Variants in CYP39A1 observed in about 807,000 individuals in gnomAD.
CYP39A1 encodes 24-hydroxycholesterol 7-alpha-hydroxylase.
A neutral mutation model predicts 58.1 loss-of-function variants in CYP39A1; 49 were observed. The observed-to-expected ratio is 0.84, with a 90% CI of 0.67 to 1.07. The LOEUF (loss-of-function observed/expected upper bound fraction) is 1.07, where lower values mean the gene tolerates loss of function less well. Ranked by LOEUF, CYP39A1 falls within the 50% of genes least tolerant of loss-of-function variation. CYP39A1 has a pLI of 0.00. For synonymous variants in CYP39A1, 209 were observed against 187.6 expected (o/e 1.11, Z -0.93); for missense variants, 531 against 539.4 (o/e 0.98, Z 0.16).
rs1770286920 is a variant in CYP39A1 at position 46,549,614 on chromosome 6, G to A, written c.*752C>T. The stretch of plus-strand genomic sequence containing the variant: ...CATACCGTTATATTTGTGTTTCTAT[G>A]CATTAGCAAAAATATGGTATCTGCC... On this transcript the variant is annotated 3_prime_UTR_variant, in exon 12 of 12. Transcript: ENST00000275016. 6.6e-6 allele frequency: 1 copy of A among 152,108 alleles called. No individual in the cohort carries two copies. Among genetic ancestry groups the A allele is most frequent in the Admixed American group, 6.6e-5 (1 of 15,260 alleles). The allele number at this position is 152,108 out of a possible 1,614,324, so 9.4% of individuals were successfully genotyped here.
intron 10 of CYP39A1, among the ~76,000 whole-genome samples, chr6:46,574,892 C>G (rs1177551963): frequency 6.6e-6 from 1 of 151,536 alleles, no homozygotes; most frequent in Non-Finnish European, 1.5e-5. Context: ...AAGAAATTCT[C>G]CCACTGAAAG....
intron 6 of CYP39A1, among the ~76,000 whole-genome samples, chr6:46,626,580 T>A (rs1298581022): frequency 1.3e-5 from 2 of 152,298 alleles, no homozygotes; most frequent in East Asian, 1.9e-4. Flanking sequence ...TAACTTTAAA[T>A]TGATAGTGCA....
chr6:46,620,987 TAC>T (rs1216799495), intron 7 of CYP39A1, among the ~76,000 whole-genome samples: 5 of 152,188 alleles, frequency 3.3e-5, no homozygotes, highest in African/African-American at 4.8e-5. Flanking sequence ...CCAAAGTTGT[TAC>T]ATTCTATTAT....
At chr6:46,588,318 TA>T (rs1180857144) in intron 8 of CYP39A1, among the ~76,000 whole-genome samples, 189 bp from the exon 9 acceptor site, 3 of 149,828 alleles carry the variant, frequency 2.0e-5, no homozygotes, top group Non-Finnish European at 4.4e-5. Context: ...TAAAATCTAA[TA>T]ATATAGTATC....
intron 6 of CYP39A1, among the ~76,000 whole-genome samples, chr6:46,627,303 T>G (rs936067321): frequency 3.3e-5 from 5 of 152,160 alleles, no homozygotes; most frequent in Non-Finnish European, 5.9e-5. Flanking sequence ...AAACGGATGT[T>G]CATAGTTGTA....
intron 7 of CYP39A1, among the ~76,000 whole-genome samples, chr6:46,623,376 T>C (rs1241965280): frequency 1.3e-5 from 2 of 152,134 alleles, no homozygotes; most frequent in South Asian, 2.1e-4. Flanking sequence ...TAGATGATGG[T>C]TAATTCTATA....
At chr6:46,579,212 A>T (rs535965049) in intron 10 of CYP39A1, among the ~76,000 whole-genome samples, 1 of 152,120 alleles carries the variant, frequency 6.6e-6, no homozygotes, top group Non-Finnish European at 1.5e-5. Flanking sequence ...ATATAAACAA[A>T]TCAATCAATG....
intron 10 of CYP39A1, among the ~76,000 whole-genome samples, chr6:46,579,352 C>T (rs1420701606): frequency 1.3e-5 from 2 of 152,048 alleles, no homozygotes; most frequent in East Asian, 3.9e-4. Context: ...ATAGGAGGAA[C>T]ATACCTCAAA....
In CYP39A1 at chr6:46,636,416, T is replaced by C; in HGVS notation, c.705A>G (p.Ala235=). ...TGGAATTATCTTTTGCAGATTTACA[T>C]GCTTTTATATCTGGAATGTTTTTCT... The part of the protein sequence containing the change: ...LFEKNIPDIK[A]CKSAKDNSMT... The change falls in exon 5 of 12, where the codon GCA becomes GCG. Residue 235 remains alanine (A), a synonymous_variant. Transcript: ENST00000275016. 1 of 1,609,650 alleles carries C rather than the reference T, an allele frequency of 6.2e-7. No homozygotes were observed. Among genetic ancestry groups the C allele is most frequent in the Non-Finnish European group, 8.5e-7 (1 of 1,178,556 alleles).
At chr6:46,580,931 A>C (rs372007469) in intron 10 of CYP39A1, among the ~76,000 whole-genome samples, 1 of 152,218 alleles carries the variant, frequency 6.6e-6, no homozygotes, top group East Asian at 1.9e-4. Context: ...CACTATAAAA[A>C]GCAGTTCGGA....
chr6:46,550,274 G>T lies in CYP39A1; in HGVS notation c.*92C>A, dbSNP rs144734642. The T allele has an allele frequency of 3.2e-6, 3 of 935,706 alleles. No homozygotes were observed. The highest frequency in any genetic ancestry group is 1.7e-5 in the African/African-American group (1 of 60,266). 58.0% of individuals were successfully genotyped at this position (935,706 alleles called of 1,614,324 possible). On this transcript the variant is annotated 3_prime_UTR_variant, in exon 12 of 12. Transcript: ENST00000275016. The stretch of plus-strand genomic sequence containing the variant: ...CTAAGTCCTAAAACAAAGTGAAGCA[G>T]TGTGTTTTTGTAGAGCTCAGGTCTA...
At chr6:46,556,700 T>C (rs1770682701) in intron 10 of CYP39A1, among the ~76,000 whole-genome samples, 1 of 152,188 alleles carries the variant, frequency 6.6e-6, no homozygotes, top group Non-Finnish European at 1.5e-5. Context: ...TGGATTTACC[T>C]TACTGAAGCT....
rs762232297 is a variant in CYP39A1, at chr6:46,634,654, T to C, written c.732+1735A>G. 5.3e-5 allele frequency among the ~76,000 whole-genome samples: 8 copies of C among 151,906 alleles called. No individual in the cohort carries two copies. The East Asian group carries it at 1.6e-3, about 30-fold the overall frequency. On this transcript the variant is annotated intron_variant, in intron 5 of 11. Coordinates refer to ENST00000275016, the MANE Select transcript of CYP39A1 (RefSeq NM_016593.5). ...CTCCTGCCTCAGCCTCCTGAGTAGCTGGGATTACAGGCGCGCACCACCATG... is the reference window on the plus strand; with the variant it reads ...CTCCTGCCTCAGCCTCCTGAGTAGCCGGGATTACAGGCGCGCACCACCATG...
At chr6:46,639,190 T>C (rs1166069815) in intron 3 of CYP39A1, among the ~76,000 whole-genome samples, 2 of 152,218 alleles carry the variant, frequency 1.3e-5, no homozygotes, top group African/African-American at 2.4e-5. Context: ...ATCCGTGTAG[T>C]TTATACACAA....
chr6:46,574,888 T>C (rs1038882535), intron 10 of CYP39A1, among the ~76,000 whole-genome samples: 6 of 151,050 alleles, frequency 4.0e-5, no homozygotes, highest in African/African-American at 1.5e-4. Context: ...CAGGAAGAAA[T>C]TCTCCCACTG....
rs1294802266 is a variant in CYP39A1, at chr6:46,629,138, G to T, written c.840+1825C>A. ...CTGCTCACCAGGCTGCCTCTTGGAG[G>T]TGCCAACAAGAGCCAGTGAGATGGA... On this transcript the variant is annotated intron_variant, in intron 6 of 11. Coordinates refer to ENST00000275016, the MANE Select transcript of CYP39A1 (RefSeq NM_016593.5). Among the ~76,000 whole-genome samples the T allele has an allele frequency of 2.6e-5, 4 of 152,252 alleles. No individual in the cohort carries two copies. In the East Asian group the frequency reaches 7.7e-4, roughly 29 times the overall value.
chr6:46,550,134 T>A lies in CYP39A1; in HGVS notation c.*232A>T. On this transcript the variant is annotated 3_prime_UTR_variant, in exon 12 of 12. Transcript: ENST00000275016. ...AAATGTGGAGTTTTTTTGGATCATT[T>A]GATCATTTCCTATAAACCATGTATT... 5.5e-6 allele frequency: 2 copies of A among 364,208 alleles called. No individual in the cohort carries two copies. The allele number at this position is 364,208 out of a possible 1,614,324, so 22.6% of individuals were successfully genotyped here.
chr6:46,555,301 G>A (rs561124339), intron 10 of CYP39A1, among the ~76,000 whole-genome samples: 6 of 152,184 alleles, frequency 3.9e-5, no homozygotes, highest in Admixed American at 6.5e-5. Flanking sequence ...CCTCCAGGCT[G>A]TAGTGCCCTT....
chr6:46,560,931 C>T (rs1217044772), intron 10 of CYP39A1, among the ~76,000 whole-genome samples: 2 of 152,064 alleles, frequency 1.3e-5, no homozygotes, highest in African/African-American at 2.4e-5. Context: ...TAAAGTGTTT[C>T]ATGGAAGGTG....
Sources: gnomAD v4.1 joint callset for allele counts (sites outside exome capture counted in the v4.1 genomes callset) on GRCh38, gnomAD v4.1.1 for gene constraint, MANE v1.5 for transcripts, NCBI Gene and HGNC (gene_info 2026-07-23, HGNC 2026-07-21) for gene names.